Variants in TMEM9 observed in about 807,000 individuals in gnomAD.
TMEM9 encodes transmembrane protein 9.
A neutral mutation model predicts 22.8 loss-of-function variants in TMEM9; 13 were observed. That is an observed-to-expected ratio of 0.57 (90% CI 0.37 to 0.91). The LOEUF is 0.91. Ranked by LOEUF, TMEM9 falls within the 40% of genes least tolerant of loss-of-function variation. TMEM9 has a pLI of 0.01. For missense variants in TMEM9, 182 were observed against 238.1 expected, an observed-to-expected ratio of 0.76 and a Z score of 1.55; for synonymous variants, 88 against 93.0, an observed-to-expected ratio of 0.95 and a Z score of 0.31.
At chr1:201,169,553 A>G (rs1666164278) in intron 1 of TMEM9, among the ~76,000 whole-genome samples, 1 of 152,164 alleles carries the variant, frequency 6.6e-6, no homozygotes, top group South Asian at 2.1e-4. Context: ...CCACATGAGG[A>G]ACAGCTGTAG....
At chr1:201,147,241 C>G (rs1355689067) in intron 2 of TMEM9, among the ~76,000 whole-genome samples, 1 of 152,184 alleles carries the variant, frequency 6.6e-6, no homozygotes, top group Middle Eastern at 3.2e-3. Flanking sequence ...CCGCTCTCCT[C>G]TATGAGCTAC....
intron 1 of TMEM9, among the ~76,000 whole-genome samples, chr1:201,159,704 G>A (rs924819980): frequency 6.6e-6 from 1 of 151,596 alleles, no homozygotes; most frequent in African/African-American, 2.4e-5. Flanking sequence ...AAGCCCGTAC[G>A]CCTGTCTGAA....
chr1:201,163,315 C>T (rs904477861), intron 1 of TMEM9, among the ~76,000 whole-genome samples: 3 of 150,564 alleles, frequency 2.0e-5, no homozygotes, highest in Admixed American at 1.3e-4. Context: ...CAAGGCCGGG[C>T]GCGGTGGCTC....
intron 3 of TMEM9, 199 bp downstream of exon 3, chr1:201,146,541 G>T: frequency 1.5e-6 from 1 of 679,388 alleles, no homozygotes; most frequent in Non-Finnish European, 2.7e-6. Flanking sequence ...GTAACTACTG[G>T]AAAGAGAGCA....
chr1:201,149,680 C>G (rs1410661119), intron 2 of TMEM9, among the ~76,000 whole-genome samples: 2 of 152,182 alleles, frequency 1.3e-5, no homozygotes, highest in Non-Finnish European at 1.5e-5. Context: ...TTACTCTGCA[C>G]AACCAAGGAG....
At chr1:201,150,573 T>G (rs1665345054) in intron 2 of TMEM9, among the ~76,000 whole-genome samples, 1 of 152,186 alleles carries the variant, frequency 6.6e-6, no homozygotes, top group South Asian at 2.1e-4. Context: ...AACAAGCAGC[T>G]AAGCTAAATT....
rs1663935760 is a variant in TMEM9, at chr1:201,135,776, C to T, written c.439G>A (p.Gly147Arg). 9 of 1,612,496 alleles carry T rather than the reference C, an allele frequency of 5.6e-6. No individual in the cohort carries two copies. Among genetic ancestry groups the T allele is most frequent in the Non-Finnish European group, 5.9e-6 (7 of 1,179,330 alleles). The change falls in exon 5 of 5, where the codon GGA becomes AGA. Residue 147 changes from glycine to arginine, a missense_variant. Gly to Arg is a moderately radical substitution (Grantham distance 125). Coordinates refer to ENST00000367330, the MANE Select transcript of TMEM9 (RefSeq NM_001288565.2). ...SMAAAAASLG[G>R]PRANTVLERV... ...TCCAGGACTGTGTTTGCTCGGGGTC[C>T]CCCGAGGGATGCAGCAGCTGCTGCC...
At chr1:201,139,008 G>A (rs953828009) in intron 4 of TMEM9, among the ~76,000 whole-genome samples, 2 of 152,224 alleles carry the variant, frequency 1.3e-5, no homozygotes, top group Admixed American at 1.3e-4. Context: ...CATCAAGCGA[G>A]GCCCTCTTCT....
At chr1:201,166,366 CTTT>C (rs10712932) in intron 1 of TMEM9, among the ~76,000 whole-genome samples, 4 of 141,842 alleles carry the variant, frequency 2.8e-5, no homozygotes, top group Admixed American at 7.0e-5. Context: ...GACTATGATT[CTTT>C]TTTTTTTTTT....
chr1:201,170,340 A>T (rs968464988), intron 1 of TMEM9, among the ~76,000 whole-genome samples: 1 of 152,218 alleles, frequency 6.6e-6, no homozygotes, highest in Non-Finnish European at 1.5e-5. Context: ...AGAGCCAAAT[A>T]ACATGTACCC....
chr1:201,151,906 G>A, intron 1 of TMEM9, 54 bp from the exon 2 acceptor site: 1 of 1,399,132 alleles, frequency 7.1e-7, no homozygotes, highest in Non-Finnish European at 1.0e-6. Flanking sequence ...GGGTTCAGGG[G>A]GTTCAGGCTC....
intron 2 of TMEM9, 110 bp from the exon 3 acceptor site, chr1:201,146,958 T>C (rs1348084388): frequency 2.2e-6 from 2 of 929,978 alleles, no homozygotes; most frequent in Non-Finnish European, 3.3e-6. Flanking sequence ...TAGGCAAAGG[T>C]GAAGGGTGCT....
intron 1 of TMEM9, among the ~76,000 whole-genome samples, chr1:201,165,115 G>C (rs1175198315): frequency 6.9e-6 from 1 of 144,396 alleles, no homozygotes; most frequent in Non-Finnish European, 1.5e-5. Flanking sequence ...TCTTTAATGA[G>C]GACACATCAC....
At chr1:201,155,846 G>A (rs1665776259), upstream of TMEM9, among the ~76,000 whole-genome samples, 1 of 152,138 alleles carries the variant, frequency 6.6e-6, no homozygotes, top group African/African-American at 2.4e-5. Flanking sequence ...GGGATATAAT[G>A]AGTTTACATA....
At chr1:201,158,301 C>G (rs1408084015), upstream of TMEM9, among the ~76,000 whole-genome samples, 2 of 152,112 alleles carry the variant, frequency 1.3e-5, no homozygotes, top group Non-Finnish European at 2.9e-5. Context: ...ATAATACATT[C>G]GTGTTGTTTG....
Position 201,139,019 on chromosome 1 carries a change from C to T in TMEM9, c.400-3204G>A, listed in dbSNP as rs552900340. Among the ~76,000 whole-genome samples the T allele has an allele frequency of 2.2e-4, 34 of 152,344 alleles. No homozygotes were observed. The South Asian group carries it at 7.0e-3, about 32-fold the overall frequency. ...AGGACATCAAGCGAGGCCCTCTTCT[C>T]CACACTGGAAGGACCCAAGTAACTG... On this transcript the variant is annotated intron_variant, in intron 4 of 4. Coordinates refer to ENST00000367330, the MANE Select transcript of TMEM9 (RefSeq NM_001288565.2).
intron 3 of TMEM9, chr1:201,144,247 G>T: frequency 3.4e-6 from 1 of 297,352 alleles, no homozygotes; most frequent in Non-Finnish European, 6.5e-6. Flanking sequence ...AGGCTCCCGG[G>T]GTAGAGATGG....
At position 201,153,895 on chromosome 1, in the gene TMEM9, A is replaced by C. The variant is rs1665636698; in HGVS notation, c.29T>G (p.Val10Gly). 3 of 1,613,700 alleles carry C rather than the reference A, an allele frequency of 1.9e-6. No homozygotes were observed. The highest frequency in any genetic ancestry group is 2.2e-5 in the South Asian group (2 of 91,056). The change falls in exon 1 of 5, where the codon GTC becomes GGC. Residue 10 changes from valine (V) to glycine (G), a missense_variant. Transcript: ENST00000367330. The part of the protein sequence containing the change: MKLLSLVAV[V>G]GCLLVPPAEA... ...AGCTGGGGGCACCAGCAAACACCCG[A>C]CCACAGCCACCAAAGATAAGAGCTT...
At chr1:201,148,026 T>C (rs1665125068) in intron 2 of TMEM9, among the ~76,000 whole-genome samples, 1 of 152,250 alleles carries the variant, frequency 6.6e-6, no homozygotes, top group African/African-American at 2.4e-5. Flanking sequence ...CACAGGGTTA[T>C]GTCTTATACA....
Sources: allele counts gnomAD v4.1 joint callset (sites outside exome capture counted in the v4.1 genomes callset), GRCh38; gene constraint gnomAD v4.1.1; transcripts MANE v1.5; gene names NCBI Gene and HGNC (gene_info 2026-07-23, HGNC 2026-07-21).